The following PHC2 variants were observed in gnomAD, a reference collection of about 807,000 sequenced individuals.
The protein encoded by PHC2 is polyhomeotic homolog 2, also known as polyhomeotic-like protein 2.
In PHC2, 29 loss-of-function variants were observed where a neutral mutation model predicts 87.4. That is an observed-to-expected ratio of 0.33 (90% CI 0.25 to 0.45). The LOEUF (loss-of-function observed/expected upper bound fraction) is 0.45. Among genes scored for constraint, PHC2 ranks in the 20% least tolerant of loss-of-function variants. PHC2 has a pLI of 1.00. For synonymous variants in PHC2, 438 were observed against 461.7 expected, an observed-to-expected ratio of 0.95 and a Z score of 0.66; for missense variants, 857 against 1,136.7, an observed-to-expected ratio of 0.75 and a Z score of 3.54.
At position 33,421,033 on chromosome 1, in the gene PHC2, T is replaced by C. The variant is rs191586300; in HGVS notation, c.-55+9943A>G. On this transcript the variant is annotated intron_variant, in intron 1 of 14. Transcript: ENST00000683057. ...TTATGCTCTAGCATGACAATTATCA[T>C]CTATGAGCACTCAATAAGTTGTAAT... is the stretch of plus-strand genomic sequence containing the variant. Among the ~76,000 whole-genome samples the C allele has an allele frequency of 5.3e-5, 8 of 152,362 alleles. No individual in the cohort carries two copies. In the East Asian group the frequency reaches 1.5e-3, roughly 29 times the overall value.
intron 14 of PHC2, among the ~76,000 whole-genome samples, chr1:33,327,840 C>T (rs181864807): frequency 1.3e-5 from 2 of 152,356 alleles, no homozygotes; most frequent in Non-Finnish European, 2.9e-5. Context: ...TCAGTATTCA[C>T]GTGACCTCAG....
chr1:33,346,999 T>C, intron 9 of PHC2: 1 of 985,402 alleles, frequency 1.0e-6, no homozygotes, highest in East Asian at 1.1e-4. Flanking sequence ...TTGTGTAAGA[T>C]CATCCATCTA....
At chr1:33,406,822 A>G (rs1301380858) in intron 1 of PHC2, among the ~76,000 whole-genome samples, 1 of 152,180 alleles carries the variant, frequency 6.6e-6, no homozygotes, top group African/African-American at 2.4e-5. Context: ...TTTATCAATT[A>G]AGGAAAATTC....
At chr1:33,355,765 C>T (rs1341360065) in intron 7 of PHC2, among the ~76,000 whole-genome samples, 2 of 152,212 alleles carry the variant, frequency 1.3e-5, no homozygotes, top group Non-Finnish European at 2.9e-5. Context: ...TTCTTGGATC[C>T]TGGCATCAGA....
At position 33,331,773 on chromosome 1, in the gene PHC2, C is replaced by T. The variant is rs1367040578; in HGVS notation, c.1892-311G>A. ...AGAAAGCAGGAGCCCCCAGGAAATA[C>T]TCTGGATGCTGTCACAGCTGCTCCG... On this transcript the variant is annotated intron_variant, in intron 11 of 14. Transcript: ENST00000683057. This position sits in a 1 kb window ranked among gnomAD's most constrained non-coding sequence, Gnocchi z 5.2. 6.2e-6 allele frequency: 2 copies of T among 324,402 alleles called. No individual in the cohort carries two copies. The highest frequency in any genetic ancestry group is 1.2e-4 in the East Asian group (2 of 16,390). 20.1% of individuals were successfully genotyped at this position (324,402 alleles called of 1,614,324 possible).
intron 9 of PHC2, among the ~76,000 whole-genome samples, chr1:33,344,638 C>T (rs550087346): frequency 6.6e-6 from 1 of 152,324 alleles, no homozygotes; most frequent in Non-Finnish European, 1.5e-5. Flanking sequence ...AGGCCTCGCT[C>T]TGTCACCCAG....
At chr1:33,406,308 G>A (rs1226593474) in intron 1 of PHC2, among the ~76,000 whole-genome samples, 1 of 151,930 alleles carries the variant, frequency 6.6e-6, no homozygotes. Context: ...TAGCAATTGG[G>A]CTTACTTTTG....
chr1:33,337,679 T>C (rs964015011), intron 9 of PHC2, among the ~76,000 whole-genome samples: 10 of 152,194 alleles, frequency 6.6e-5, no homozygotes, highest in Non-Finnish European at 1.5e-4. Flanking sequence ...AGGATGTCAC[T>C]CATGACCACA....
intron 1 of PHC2, among the ~76,000 whole-genome samples, chr1:33,428,205 A>G (rs1315250011): frequency 6.6e-6 from 1 of 152,210 alleles, no homozygotes; most frequent in Non-Finnish European, 1.5e-5. Flanking sequence ...TGTTTAGCTG[A>G]GAATAACCCC....
intron 9 of PHC2, among the ~76,000 whole-genome samples, chr1:33,339,788 G>C (rs1172795053): frequency 2.0e-5 from 3 of 152,232 alleles, no homozygotes; most frequent in Non-Finnish European, 4.4e-5. Context: ...CCTGGGACCA[G>C]AAGTGTTTTT....
chr1:33,399,668 A>G (rs1184111475), intron 1 of PHC2, among the ~76,000 whole-genome samples: 1 of 152,126 alleles, frequency 6.6e-6, no homozygotes, highest in Non-Finnish European at 1.5e-5. Context: ...AAATTTCTAT[A>G]GTAAGGCCCC....
intron 1 of PHC2, among the ~76,000 whole-genome samples, chr1:33,423,201 A>T (rs1390673064): frequency 6.6e-6 from 1 of 152,138 alleles, no homozygotes; most frequent in African/African-American, 2.4e-5. Context: ...ACATAACTCT[A>T]GCACATTGAA....
chr1:33,325,570 A>G lies in PHC2; in HGVS notation c.2426-551T>C, dbSNP rs949518681. The G allele has an allele frequency of 5.1e-5, 13 of 252,624 alleles. 1 individual carries two copies. Among genetic ancestry groups the G allele is most frequent in the Middle Eastern group, 1.5e-3 (1 of 688 alleles). 15.6% of individuals were successfully genotyped at this position (252,624 alleles called of 1,614,324 possible). ...TTCCCTGAGACCTCATATGACCTCA[A>G]ACTCATACACTGGGTCTGTGGAAGG... On this transcript the variant is annotated intron_variant, in intron 14 of 14. Coordinates refer to ENST00000683057, the MANE Select transcript of PHC2 (RefSeq NM_001385109.1).
chr1:33,323,905 T>C lies in PHC2; in HGVS notation c.*960A>G, dbSNP rs959221964. The C allele has an allele frequency of 6.6e-6, 1 of 152,350 alleles. No individual in the cohort carries two copies. Among genetic ancestry groups the C allele is most frequent in the Non-Finnish European group, 1.5e-5 (1 of 68,062 alleles). The allele number at this position is 152,350 out of a possible 1,614,324, so 9.4% of individuals were successfully genotyped here. ...TTCACATCAACAGAAACTCCAGCTG[T>C]TCTTTCCCCTTAGCAGTTCTCTGAG... is the stretch of plus-strand genomic sequence containing the variant. On this transcript the variant is annotated 3_prime_UTR_variant, in exon 15 of 15. Coordinates refer to ENST00000683057, the MANE Select transcript of PHC2 (RefSeq NM_001385109.1).
At chr1:33,362,887 C>G (rs1277104709) in intron 7 of PHC2, among the ~76,000 whole-genome samples, 1 of 152,242 alleles carries the variant, frequency 6.6e-6, no homozygotes, top group Non-Finnish European at 1.5e-5. Context: ...AAATGAGTAT[C>G]TGTTGAGCTA....
intron 9 of PHC2, 101 bp downstream of exon 9, chr1:33,354,300 T>C: frequency 9.0e-7 from 1 of 1,113,766 alleles, no homozygotes; most frequent in Non-Finnish European, 1.3e-6. Context: ...TTGCTTGTAA[T>C]AGTTTACCCT....
rs1646486708 is a variant in PHC2, at chr1:33,331,141, A to ACT, written c.2006+205_2006+206dup. On this transcript the variant is annotated intron_variant, in intron 12 of 14. Coordinates refer to ENST00000683057, the MANE Select transcript of PHC2 (RefSeq NM_001385109.1). The surrounding 1 kb of genome is among the most constrained non-coding windows in gnomAD (Gnocchi z 5.2). The stretch of plus-strand genomic sequence containing the variant: ...CCAAAGCACTGCGGCTTTTCCTTGG[A>ACT]CTCCCGCTGCTCTCTCCCACCTGCT... Among the ~76,000 whole-genome samples, 1 of 151,818 alleles carries ACT rather than the reference A, an allele frequency of 6.6e-6. No individual in the cohort carries two copies. The highest frequency in any genetic ancestry group is 1.5e-5 in the Non-Finnish European group (1 of 67,970).
intron 1 of PHC2, among the ~76,000 whole-genome samples, chr1:33,428,996 G>T (rs1412888487): frequency 1.3e-5 from 2 of 152,196 alleles, no homozygotes; most frequent in African/African-American, 4.8e-5. Flanking sequence ...TCCAGCTTCT[G>T]ATCTTACTAC....
chr1:33,354,291 T>C (rs368316154), intron 9 of PHC2, 110 bp downstream of exon 9: 2 of 1,025,954 alleles, frequency 1.9e-6, no homozygotes, highest in African/African-American at 3.2e-5. Context: ...CCAGCTTCCT[T>C]GCTTGTAATA....
Sources: allele counts gnomAD v4.1 joint callset (sites outside exome capture counted in the v4.1 genomes callset), GRCh38; gene constraint gnomAD v4.1.1; non-coding constraint Gnocchi (gnomAD v3.1); transcripts MANE v1.5; gene names NCBI Gene and HGNC (gene_info 2026-07-23, HGNC 2026-07-21).